Variants in SFMBT2 observed in about 807,000 individuals in gnomAD.
The protein encoded by SFMBT2 is scm-like with four MBT domains protein 2.
In SFMBT2, 38 loss-of-function variants were observed where a neutral mutation model predicts 110.1. That is an observed-to-expected ratio of 0.35 (90% CI 0.27 to 0.45). The LOEUF (loss-of-function observed/expected upper bound fraction) is 0.45, where lower values mean the gene tolerates loss of function less well. SFMBT2 is among the 20% of genes least tolerant of loss of function. The pLI is 1.00. For missense variants in SFMBT2, 1,011 were observed against 1,094.9 expected (o/e 0.92, Z 1.08); for synonymous variants, 425 against 425.4 (o/e 1.00, Z 0.01).
intron 13 of SFMBT2, 145 bp from the exon 14 acceptor site, chr10:7,200,629 T>C (rs1838924054): frequency 1.8e-6 from 1 of 570,542 alleles, no homozygotes; most frequent in Non-Finnish European, 2.8e-6. Context: ...ATGGGAGCAA[T>C]GCCAGTAAGA....
At chr10:7,268,708 G>T (rs945540499) in intron 7 of SFMBT2, among the ~76,000 whole-genome samples, 2 of 152,172 alleles carry the variant, frequency 1.3e-5, no homozygotes, top group African/African-American at 4.8e-5. Flanking sequence ...AAAGGGTTTC[G>T]CCATGTTGGC....
chr10:7,381,267 T>C (rs1331859180), intron 2 of SFMBT2, among the ~76,000 whole-genome samples: 1 of 152,202 alleles, frequency 6.6e-6, no homozygotes, highest in African/African-American at 2.4e-5. Context: ...ACATATTAGA[T>C]GCTGTATCAT....
At chr10:7,165,500 C>T (rs918563890) in intron 20 of SFMBT2, among the ~76,000 whole-genome samples, 1 of 152,206 alleles carries the variant, frequency 6.6e-6, no homozygotes, top group Non-Finnish European at 1.5e-5. Flanking sequence ...AATAATTTAT[C>T]TTCAGATCAG....
intron 4 of SFMBT2, among the ~76,000 whole-genome samples, chr10:7,338,285 A>G (rs1843778109): frequency 6.6e-6 from 1 of 152,224 alleles, no homozygotes; most frequent in South Asian, 2.1e-4. Flanking sequence ...CTTCACTGGA[A>G]TTACAATTGA....
intron 4 of SFMBT2, among the ~76,000 whole-genome samples, chr10:7,310,241 A>C (rs1049913115): frequency 1.3e-5 from 2 of 152,230 alleles, no homozygotes; most frequent in African/African-American, 4.8e-5. Context: ...CCTCTCCGAC[A>C]AGGACACATC....
At chr10:7,249,804 A>G (rs965644679) in intron 7 of SFMBT2, among the ~76,000 whole-genome samples, 1 of 152,206 alleles carries the variant, frequency 6.6e-6, no homozygotes, top group Non-Finnish European at 1.5e-5. Flanking sequence ...GGTTAACAGA[A>G]TGTAAACGCC....
At chr10:7,175,028 C>T (rs1233626324) in intron 17 of SFMBT2, among the ~76,000 whole-genome samples, 1 of 152,224 alleles carries the variant, frequency 6.6e-6, no homozygotes, top group Non-Finnish European at 1.5e-5. Flanking sequence ...CACAGCGTTT[C>T]CAGTACATTC....
chr10:7,219,476 CTTAT>C (rs1839654532), intron 11 of SFMBT2, among the ~76,000 whole-genome samples: 1 of 152,134 alleles, frequency 6.6e-6, no homozygotes, highest in Non-Finnish European at 1.5e-5. Flanking sequence ...AGATTGTAGG[CTTAT>C]TTAAGACCTT....
At chr10:7,235,810 G>A (rs61630185) in intron 9 of SFMBT2, among the ~76,000 whole-genome samples, 2,607 of 152,240 alleles carry the variant, frequency 0.017, 59 homozygotes, top group African/African-American at 0.057. Flanking sequence ...ACCAACTGAT[G>A]TGGCAATAAA....
chr10:7,243,921 C>G (rs1018305490), intron 8 of SFMBT2: 2 of 229,994 alleles, frequency 8.7e-6, no homozygotes, highest in African/African-American at 4.6e-5. Context: ...AGATAAATAA[C>G]TAGGTTATCT....
intron 4 of SFMBT2, among the ~76,000 whole-genome samples, chr10:7,343,721 A>AT (rs1167840182): frequency 1.3e-5 from 2 of 152,134 alleles, no homozygotes; most frequent in African/African-American, 4.8e-5. Flanking sequence ...TCCTTTGCCC[A>AT]TTTTTTTAGA....
intron 4 of SFMBT2, among the ~76,000 whole-genome samples, chr10:7,359,279 T>A (rs1218127597): frequency 6.6e-6 from 1 of 152,110 alleles, no homozygotes; most frequent in African/African-American, 2.4e-5. Flanking sequence ...GAGCCCTCCA[T>A]GCACCCGAGG....
At chr10:7,364,032 A>G (rs969210794) in intron 4 of SFMBT2, among the ~76,000 whole-genome samples, 1 of 152,176 alleles carries the variant, frequency 6.6e-6, no homozygotes, top group Non-Finnish European at 1.5e-5. Context: ...AGAAAAAAAA[A>G]CACACAAATA....
intron 7 of SFMBT2, among the ~76,000 whole-genome samples, chr10:7,251,421 C>A (rs1446339784): frequency 1.3e-5 from 2 of 152,114 alleles, no homozygotes; most frequent in Non-Finnish European, 2.9e-5. Context: ...TTGCAATGAG[C>A]CGAGATCACA....
At chr10:7,267,661 G>T (rs1364700094) in intron 7 of SFMBT2, among the ~76,000 whole-genome samples, 3 of 152,180 alleles carry the variant, frequency 2.0e-5, no homozygotes, top group Non-Finnish European at 4.4e-5. Context: ...GCCTCCCAAA[G>T]AAGTGCAGTT....
rs117718129 is a variant in SFMBT2 at position 7,164,703 on chromosome 10, C to T, written c.2545-793G>A. Among the ~76,000 whole-genome samples the T allele has an allele frequency of 3.5e-4, 53 of 151,232 alleles. 1 individual carries two copies. In the East Asian group the frequency reaches 0.01, roughly 29 times the overall value. ...CCATTAGGATGGGTGAGAAGATGCT[C>T]AAGACAGATATGCCAACGACAGCAC... On this transcript the variant is annotated intron_variant, in intron 20 of 20. Transcript: ENST00000397167.
At chr10:7,308,211 T>C (rs1842750192) in intron 4 of SFMBT2, among the ~76,000 whole-genome samples, 1 of 152,004 alleles carries the variant, frequency 6.6e-6, no homozygotes, top group South Asian at 2.1e-4. Flanking sequence ...TTTTTTAAAT[T>C]AGCCAGGCCT....
chr10:7,390,247 C>T (rs1272723029), intron 1 of SFMBT2, among the ~76,000 whole-genome samples: 1 of 152,178 alleles, frequency 6.6e-6, no homozygotes, highest in Non-Finnish European at 1.5e-5. Context: ...AGCCACTGCA[C>T]TGGAGAGCCG....
chr10:7,345,600 A>G (rs1844085694), intron 4 of SFMBT2, among the ~76,000 whole-genome samples: 1 of 152,130 alleles, frequency 6.6e-6, no homozygotes, highest in Non-Finnish European at 1.5e-5. Context: ...CTCGTGATCT[A>G]CCCACCTTGG....
Sources: allele counts gnomAD v4.1 joint callset (sites outside exome capture counted in the v4.1 genomes callset), GRCh38; gene constraint gnomAD v4.1.1; transcripts MANE v1.5; gene names NCBI Gene and HGNC (gene_info 2026-07-23, HGNC 2026-07-21).